The following ANHX variants were observed in gnomAD, a reference collection of about 807,000 sequenced individuals.
The protein encoded by ANHX is anomalous homeobox protein.
Under a neutral mutation model 38.9 loss-of-function variants are expected in ANHX, and 20 were observed. The observed-to-expected ratio is 0.51, with a 90% CI of 0.36 to 0.75. The LOEUF is 0.75. Ranked by LOEUF, ANHX falls within the 30% of genes least tolerant of loss-of-function variation. The pLI is 0.00. For missense variants in ANHX, 475 were observed against 493.1 expected (o/e 0.96, Z 0.35); for synonymous variants, 185 against 203.1 (o/e 0.91, Z 0.76).
intron 7 of ANHX, among the ~76,000 whole-genome samples, chr12:133,224,370 A>T (rs1035635478): frequency 2.6e-5 from 4 of 152,260 alleles, no homozygotes; most frequent in African/African-American, 9.6e-5. Flanking sequence ...TATTAAATAT[A>T]GGTAAATTTG....
intron 2 of ANHX, among the ~76,000 whole-genome samples, chr12:133,233,470 G>A (rs1234235224): frequency 2.0e-5 from 3 of 152,168 alleles, no homozygotes; most frequent in African/African-American, 7.2e-5. Flanking sequence ...CACGTTTTCT[G>A]TGATTCAGAA....
rs1566406498 is a variant in ANHX, at chr12:133,226,458, A to T, written c.719-20T>A. ...GTTCCTCTGAAAGTGATGAGATGGG[A>T]GGGGAGACTTAGTGAGGCTCTGGTT... On this transcript the variant is annotated intron_variant, in intron 5 of 9. Coordinates refer to ENST00000545940, the MANE Select transcript of ANHX (RefSeq NM_001372060.1). The T allele has an allele frequency of 6.6e-7, 1 of 1,525,240 alleles. No homozygotes were observed. The highest frequency in any genetic ancestry group is 2.0e-5 in the Admixed American group (1 of 50,004). The allele number at this position is 1,525,240 out of a possible 1,614,324, so 94.5% of individuals were successfully genotyped here.
At chr12:133,228,789 T>C (rs990878486) in intron 3 of ANHX, among the ~76,000 whole-genome samples, 3 of 152,334 alleles carry the variant, frequency 2.0e-5, no homozygotes, top group South Asian at 2.1e-4. Context: ...TAGTAAGTCA[T>C]TCTCATGAGC....
At chr12:133,224,907 C>T (rs527592518) in intron 7 of ANHX, among the ~76,000 whole-genome samples, 41 of 145,422 alleles carry the variant, frequency 2.8e-4, no homozygotes, top group Admixed American at 9.2e-4. Flanking sequence ...GAGGAGGTTG[C>T]AGTGAGCCGA....
chr12:133,227,867 T>C lies in ANHX; in HGVS notation c.458A>G (p.Asn153Ser). ...GTTGGTGTTCACCCCCACAGCGAAA[T>C]TGTGCAGCTTCTCACGAACCTCTCT... Reference protein sequence around the residue: ...FPREVREKLHNFAVGVNTNPS... With the variant: ...FPREVREKLHSFAVGVNTNPS... The change falls in exon 4 of 10, where the codon AAT (asparagine) becomes AGT (serine). Residue 153 changes from asparagine to serine, a missense_variant. Asn to Ser is a conservative substitution (Grantham distance 46, BLOSUM62 1). Coordinates refer to ENST00000545940, the MANE Select transcript of ANHX (RefSeq NM_001372060.1). 2 of 1,474,586 alleles carry C rather than the reference T, an allele frequency of 1.4e-6. No individual in the cohort carries two copies. Among genetic ancestry groups the C allele is most frequent in the Non-Finnish European group, 1.8e-6 (2 of 1,109,270 alleles). The allele number at this position is 1,474,586 out of a possible 1,614,324, so 91.3% of individuals were successfully genotyped here.
intron 9 of ANHX, 92 bp from the exon 10 acceptor site, chr12:133,219,063 C>T: frequency 3.3e-6 from 4 of 1,218,252 alleles, no homozygotes; most frequent in African/African-American, 1.5e-5. Flanking sequence ...TTGGGAAGAC[C>T]CCCCGCAACC....
chr12:133,221,434 C>T lies in ANHX; in HGVS notation c.1133-82G>A, dbSNP rs749829525. Reference sequence around the variant, plus strand: ...GTGACACAACCAAGACCTCAAAGCACGGAGGCGGATGCAGCCTCCGGCCCA... The same window carrying T: ...GTGACACAACCAAGACCTCAAAGCATGGAGGCGGATGCAGCCTCCGGCCCA... On this transcript the variant is annotated intron_variant, in intron 7 of 9. Transcript: ENST00000545940. The surrounding 1 kb of genome is among the most constrained non-coding windows in gnomAD (Gnocchi z 4.1). 1.0e-5 allele frequency: 15 copies of T among 1,443,980 alleles called. No individual in the cohort carries two copies. Among genetic ancestry groups the T allele is most frequent in the African/African-American group, 4.3e-5 (3 of 70,508 alleles). The allele number at this position is 1,443,980 out of a possible 1,614,324, so 89.4% of individuals were successfully genotyped here.
At chr12:133,230,516 C>T (rs188750697) in intron 3 of ANHX, among the ~76,000 whole-genome samples, 10 of 152,362 alleles carry the variant, frequency 6.6e-5, no homozygotes, top group African/African-American at 2.4e-4. Context: ...GCAAGATCTA[C>T]AGCCCTTTCC....
At chr12:133,230,730 T>G (rs1159481776) in intron 3 of ANHX, among the ~76,000 whole-genome samples, 1 of 150,692 alleles carries the variant, frequency 6.6e-6, no homozygotes, top group Non-Finnish European at 1.5e-5. Flanking sequence ...CACTGCATGC[T>G]AGTCTGGGCA....
Position 133,232,184 on chromosome 12 carries a change from A to C in ANHX, c.250-540T>G, listed in dbSNP as rs558314480. ...GTCCCTCAGGTACTCGGCACAATCT[A>C]AGGTGAGGGGGATGAAGGGGTCCCT... On this transcript the variant is annotated intron_variant, in intron 2 of 9. Coordinates refer to ENST00000545940, the MANE Select transcript of ANHX (RefSeq NM_001372060.1). 8.2e-5 allele frequency among the ~76,000 whole-genome samples: 5 copies of C among 60,780 alleles called. No individual in the cohort carries two copies. The South Asian group carries it at 2.1e-3, about 26-fold the overall frequency. The allele number at this position is 60,780 out of a possible 152,430, so 39.9% of individuals were successfully genotyped here.
In ANHX at chr12:133,222,560, CCCA is replaced by C. The variant is rs559374930; in HGVS notation, c.1133-1211_1133-1209del. On this transcript the variant is annotated intron_variant, in intron 7 of 9. Transcript: ENST00000545940. The stretch of plus-strand genomic sequence containing the variant: ...AATGTGAAGACACCCATTGACCGTC[CCCA>C]CGCCAGCCTCGTCAGTAAGTACAGA... Among the ~76,000 whole-genome samples, 371 of 152,282 alleles carry C rather than the reference CCCA, an allele frequency of 2.4e-3. 1 individual carries two copies. Among genetic ancestry groups the C allele is most frequent in the African/African-American group, 8.6e-3 (358 of 41,544 alleles).
chr12:133,220,449 TCA>T (rs1957093050), intron 8 of ANHX, among the ~76,000 whole-genome samples: 2 of 152,216 alleles, frequency 1.3e-5, no homozygotes, highest in African/African-American at 2.4e-5. Context: ...GTACATTTTC[TCA>T]CAGTCAGGCT....
chr12:133,228,609 G>A (rs901756900), intron 3 of ANHX, among the ~76,000 whole-genome samples: 19 of 152,128 alleles, frequency 1.2e-4, no homozygotes, highest in Non-Finnish European at 4.4e-5. Flanking sequence ...GTTCTCAGAA[G>A]AGAAGCACCA....
At chr12:133,227,716 C>T in intron 4 of ANHX, 108 bp downstream of exon 4, 1 of 1,318,678 alleles carries the variant, frequency 7.6e-7, no homozygotes, top group Non-Finnish European at 1.0e-6. Flanking sequence ...AAACCACCAG[C>T]ACCCTGGCGG....
chr12:133,232,951 G>A (rs1432593873), intron 2 of ANHX, among the ~76,000 whole-genome samples: 1 of 150,662 alleles, frequency 6.6e-6, no homozygotes, highest in African/African-American at 2.5e-5. Flanking sequence ...AACAGAGGCA[G>A]GGACAGAAAA....
intron 1 of ANHX, 63 bp downstream of exon 1, chr12:133,235,744 A>AG (rs1265390546): frequency 3.9e-4 from 12 of 30,544 alleles, no homozygotes; most frequent in South Asian, 1.2e-3. Flanking sequence ...CTCACATTCC[A>AG]GGCCCCCCCT....
At chr12:133,225,189 A>G (rs765943093) in intron 7 of ANHX, among the ~76,000 whole-genome samples, 18 of 151,980 alleles carry the variant, frequency 1.2e-4, no homozygotes, top group Non-Finnish European at 1.2e-4. Flanking sequence ...ACAAGCGGGG[A>G]GTCTAAGGAG....
rs1957103196 is a variant in ANHX at position 133,221,141 on chromosome 12, G to A, written c.1280+64C>T. The A allele has an allele frequency of 1.3e-6, 2 of 1,516,954 alleles. No individual in the cohort carries two copies. Among genetic ancestry groups the A allele is most frequent in the East Asian group, 2.5e-5 (1 of 40,656 alleles). The allele number at this position is 1,516,954 out of a possible 1,614,324, so 94.0% of individuals were successfully genotyped here. A position where few individuals can be genotyped will look rare whatever the true frequency, so the allele number is the denominator to read the frequency against. ...TCCGGGACGGTGAGTCTATAAACTG[G>A]GCATTACCCTATCTTGTGGCCTGTG... On this transcript the variant is annotated intron_variant, in intron 8 of 9. Coordinates refer to ENST00000545940, the MANE Select transcript of ANHX (RefSeq NM_001372060.1). This position sits in a 1 kb window ranked among gnomAD's most constrained non-coding sequence, Gnocchi z 4.1.
chr12:133,226,197 G>T, intron 6 of ANHX, 121 bp downstream of exon 6: 1 of 1,481,454 alleles, frequency 6.8e-7, no homozygotes, highest in Non-Finnish European at 9.1e-7. Context: ...CCTGGGGTCT[G>T]ACCTGATCCC....
Sources: allele counts gnomAD v4.1 joint callset (sites outside exome capture counted in the v4.1 genomes callset), GRCh38; gene constraint gnomAD v4.1.1; non-coding constraint Gnocchi (gnomAD v3.1); transcripts MANE v1.5; gene names NCBI Gene and HGNC (gene_info 2026-07-23, HGNC 2026-07-21).